The following ULK4 variants were observed in gnomAD, a reference collection of about 807,000 sequenced individuals.
The protein encoded by ULK4 is unc-51 like kinase 4.
In ULK4, 133 loss-of-function variants were observed where a neutral mutation model predicts 160.6. That is an observed-to-expected ratio of 0.83 (90% confidence interval 0.72 to 0.96). The LOEUF (loss-of-function observed/expected upper bound fraction) is 0.96, where lower values mean the gene tolerates loss of function less well. Ranked by LOEUF, ULK4 falls within the 40% of genes least tolerant of loss-of-function variation. The pLI is 0.00. For missense variants in ULK4, 1,580 were observed against 1,499.5 expected (o/e 1.05, Z -0.89); for synonymous variants, 534 against 539.8 (o/e 0.99, Z 0.15).
intron 35 of ULK4, among the ~76,000 whole-genome samples, chr3:41,372,608 C>T (rs983519738): frequency 6.6e-6 from 1 of 152,156 alleles, no homozygotes; most frequent in South Asian, 2.1e-4. Context: ...TTTGTCACCA[C>T]CAGGCCTGCC....
At chr3:41,710,228 C>T (rs944257901) in intron 25 of ULK4, among the ~76,000 whole-genome samples, 2 of 151,734 alleles carry the variant, frequency 1.3e-5, no homozygotes, top group African/African-American at 2.4e-5. Context: ...TTAAAAATTC[C>T]CACAAATTTT....
chr3:41,862,786 C>CT lies in ULK4; in HGVS notation c.1656+21087_1656+21088insA, dbSNP rs1559615518. Reference sequence around the variant, plus strand: ...GTCAGTCTCTCTCTCTCTCTCTCTCCGCTCCCCCCCCCCTTTCTCTCTCTC... The same window carrying CT: ...GTCAGTCTCTCTCTCTCTCTCTCTCCTGCTCCCCCCCCCCTTTCTCTCTCTC... On this transcript the variant is annotated intron_variant, in intron 17 of 36. Coordinates refer to ENST00000301831, the MANE Select transcript of ULK4 (RefSeq NM_017886.4). Among the ~76,000 whole-genome samples, 7 of 117,498 alleles carry CT rather than the reference C, an allele frequency of 6.0e-5. No homozygotes were observed. In the East Asian group the frequency reaches 1.1e-3, roughly 19 times the overall value. 77.1% of individuals were successfully genotyped at this position (117,498 alleles called of 152,430 possible). A position where few individuals can be genotyped will look rare whatever the true frequency, so the allele number is the denominator to read the frequency against.
chr3:41,545,410 T>C (rs945334910), intron 32 of ULK4, among the ~76,000 whole-genome samples: 1 of 152,232 alleles, frequency 6.6e-6, no homozygotes, highest in East Asian at 1.9e-4. Context: ...TATAAAAATA[T>C]AGATTGGCAA....
chr3:41,319,883 A>G (rs1389869088), intron 35 of ULK4, among the ~76,000 whole-genome samples: 1 of 152,224 alleles, frequency 6.6e-6, no homozygotes, highest in Non-Finnish European at 1.5e-5. Context: ...CAAGCCTTCT[A>G]TTGGGTTATT....
chr3:41,776,046 T>C (rs1418241596), intron 21 of ULK4, among the ~76,000 whole-genome samples: 1 of 150,926 alleles, frequency 6.6e-6, no homozygotes, highest in East Asian at 1.9e-4. Flanking sequence ...TCAACTTCAT[T>C]AAAGATTATA....
intron 35 of ULK4, among the ~76,000 whole-genome samples, chr3:41,332,401 G>C (rs1279408404): frequency 6.6e-6 from 1 of 152,148 alleles, no homozygotes; most frequent in African/African-American, 2.4e-5. Context: ...TTTCATCATG[G>C]TTATGACACT....
chr3:41,490,292 C>G (rs573816315), intron 32 of ULK4, among the ~76,000 whole-genome samples: 1 of 152,280 alleles, frequency 6.6e-6, no homozygotes, highest in Admixed American at 6.5e-5. Flanking sequence ...CATCACTTAC[C>G]TGACCCAGTC....
At chr3:41,830,953 T>G (rs1211451772) in intron 18 of ULK4, among the ~76,000 whole-genome samples, 1 of 152,012 alleles carries the variant, frequency 6.6e-6, no homozygotes. Flanking sequence ...CGAGGAAAAG[T>G]GCCTTTCACA....
intron 35 of ULK4, among the ~76,000 whole-genome samples, chr3:41,322,877 G>A (rs1422711728): frequency 6.6e-6 from 1 of 152,066 alleles, no homozygotes; most frequent in African/African-American, 2.4e-5. Context: ...TATGACTAGG[G>A]ATTAGGGAAA....
chr3:41,390,100 G>A (rs1333049266), intron 35 of ULK4, among the ~76,000 whole-genome samples: 1 of 152,130 alleles, frequency 6.6e-6, no homozygotes, highest in Non-Finnish European at 1.5e-5. Context: ...TTTAGTCTTG[G>A]GAGGTGTATG....
chr3:41,440,642 G>A (rs2083143522), intron 34 of ULK4, among the ~76,000 whole-genome samples: 1 of 152,000 alleles, frequency 6.6e-6, no homozygotes, highest in African/African-American at 2.4e-5. Context: ...TTGGTTTCTG[G>A]TATCAGGGTA....
At position 41,777,237 on chromosome 3, in the gene ULK4, T is replaced by C. The variant is rs2039659401; in HGVS notation, c.2193+12424A>G. Among the ~76,000 whole-genome samples the C allele has an allele frequency of 1.9e-5, 2 of 102,882 alleles. 1 individual carries two copies. Among genetic ancestry groups the C allele is most frequent in the African/African-American group, 1.2e-4 (2 of 16,284 alleles). The allele number at this position is 102,882 out of a possible 152,430, so 67.5% of individuals were successfully genotyped here. On this transcript the variant is annotated intron_variant, in intron 21 of 36. Coordinates refer to ENST00000301831, the MANE Select transcript of ULK4 (RefSeq NM_017886.4). ...AGGGGTTTGTAGTATTCTCTGATGGTAGTTTGTATTTCTGTGGGATTGGTG... is the reference window on the plus strand; with the variant it reads ...AGGGGTTTGTAGTATTCTCTGATGGCAGTTTGTATTTCTGTGGGATTGGTG...
intron 35 of ULK4, among the ~76,000 whole-genome samples, chr3:41,374,455 A>G (rs1188665007): frequency 6.6e-6 from 1 of 152,084 alleles, no homozygotes; most frequent in Non-Finnish European, 1.5e-5. Flanking sequence ...AAGTTGGCTT[A>G]ATCTCTGGGA....
At chr3:41,793,785 T>A (rs982166103) in intron 20 of ULK4, among the ~76,000 whole-genome samples, 2 of 152,204 alleles carry the variant, frequency 1.3e-5, no homozygotes, top group African/African-American at 4.8e-5. Context: ...ATAATCCCAA[T>A]AAGTCTAAGA....
intron 31 of ULK4, among the ~76,000 whole-genome samples, chr3:41,591,343 T>A (rs1043963989): frequency 6.6e-6 from 1 of 151,734 alleles, no homozygotes; most frequent in Non-Finnish European, 1.5e-5. Context: ...AAGTGGAGGG[T>A]AGGGAAAGTT....
intron 29 of ULK4, among the ~76,000 whole-genome samples, chr3:41,673,443 C>T (rs1274399984): frequency 6.6e-6 from 1 of 152,034 alleles, no homozygotes; most frequent in East Asian, 1.9e-4. Flanking sequence ...AAAGGAAATG[C>T]CATTCTAATT....
chr3:41,942,092 A>C (rs1699976430), intron 2 of ULK4, among the ~76,000 whole-genome samples: 1 of 152,182 alleles, frequency 6.6e-6, no homozygotes, highest in Non-Finnish European at 1.5e-5. Flanking sequence ...GCGGTGTTCA[A>C]TGTGGGAGCG....
At chr3:41,609,143 C>CT (rs373491352) in intron 31 of ULK4, among the ~76,000 whole-genome samples, 5 of 151,018 alleles carry the variant, frequency 3.3e-5, no homozygotes, top group East Asian at 3.9e-4. Context: ...TCTATTTTAG[C>CT]TTTTTTTTTC....
At chr3:41,480,206 C>CAA (rs60805184) in intron 32 of ULK4, among the ~76,000 whole-genome samples, 37 of 97,122 alleles carry the variant, frequency 3.8e-4, no homozygotes, top group East Asian at 1.3e-3. Flanking sequence ...GACTCCGTAT[C>CAA]AAAAAAAAAA....
Sources: gnomAD v4.1 joint callset for allele counts (sites outside exome capture counted in the v4.1 genomes callset) on GRCh38, gnomAD v4.1.1 for gene constraint, MANE v1.5 for transcripts, NCBI Gene and HGNC (gene_info 2026-07-23, HGNC 2026-07-21) for gene names.